CNTNAP2: variants seen among roughly 807,000 people sequenced by gnomAD.
The protein encoded by CNTNAP2 is contactin-associated protein-like 2.
Under a neutral mutation model 155.2 loss-of-function variants are expected in CNTNAP2, and 98 were observed. That is an observed-to-expected ratio of 0.63 (90% CI 0.54 to 0.75). The LOEUF is 0.75. Among genes scored for constraint, CNTNAP2 ranks in the 30% least tolerant of loss-of-function variants. The pLI, the probability that CNTNAP2 is intolerant of heterozygous loss-of-function variation, is 0.00. For missense variants in CNTNAP2, 1,727 were observed against 1,688.1 expected, an observed-to-expected ratio of 1.02 and a Z score of -0.40; for synonymous variants, 651 against 631.2, an observed-to-expected ratio of 1.03 and a Z score of -0.47.
chr7:147,057,454 A>G (rs1042375177), intron 4 of CNTNAP2, among the ~76,000 whole-genome samples: 1 of 152,110 alleles, frequency 6.6e-6, no homozygotes, highest in Admixed American at 6.5e-5. Flanking sequence ...TAGATTTTCA[A>G]CTTTCAGTAA....
intron 1 of CNTNAP2, among the ~76,000 whole-genome samples, chr7:146,471,967 G>C (rs1796805538): frequency 6.6e-6 from 1 of 152,206 alleles, no homozygotes; most frequent in African/African-American, 2.4e-5. Flanking sequence ...TTAAGAATCT[G>C]AAATGAACTT....
intron 4 of CNTNAP2, among the ~76,000 whole-genome samples, chr7:147,065,039 T>C (rs1452928075): frequency 6.6e-6 from 1 of 152,184 alleles, no homozygotes; most frequent in Non-Finnish European, 1.5e-5. Flanking sequence ...TTTCTGCTTC[T>C]GATAGAAAAT....
intron 1 of CNTNAP2, among the ~76,000 whole-genome samples, chr7:146,351,536 G>T (rs1349581743): frequency 6.6e-6 from 1 of 152,126 alleles, no homozygotes; most frequent in Non-Finnish European, 1.5e-5. Context: ...CATGTAACAT[G>T]AATACTCTTA....
chr7:146,737,405 T>C (rs190920196), intron 1 of CNTNAP2, among the ~76,000 whole-genome samples: 195 of 152,220 alleles, frequency 1.3e-3, no homozygotes, highest in African/African-American at 4.4e-3. Flanking sequence ...TTTGTATCCT[T>C]TAATGAATAC....
intron 1 of CNTNAP2, among the ~76,000 whole-genome samples, chr7:146,697,490 C>T (rs573937996): frequency 6.6e-6 from 1 of 152,312 alleles, no homozygotes; most frequent in East Asian, 1.9e-4. Context: ...CTTCCCTTCT[C>T]AGCCTCCCAA....
In CNTNAP2 at chr7:147,004,742, C is replaced by T. The variant is rs990546452; in HGVS notation, c.403-39165C>T. 2.0e-5 allele frequency among the ~76,000 whole-genome samples: 3 copies of T among 151,952 alleles called. No homozygotes were observed. In the South Asian group the frequency reaches 6.2e-4, roughly 31 times the overall value. On this transcript the variant is annotated intron_variant, in intron 3 of 23. Transcript: ENST00000361727. ...ACATATACTGATCTAATTACTGCAA[C>T]TCACACTTTTATTATTGCCTTTATT...
chr7:147,927,723 AATTC>A (rs1463888537), intron 14 of CNTNAP2, among the ~76,000 whole-genome samples: 1 of 152,262 alleles, frequency 6.6e-6, no homozygotes, highest in African/African-American at 2.4e-5. Flanking sequence ...GTTCTTTCTC[AATTC>A]AGAAATAACT....
chr7:147,473,606 T>G (rs556967764), intron 10 of CNTNAP2, among the ~76,000 whole-genome samples: 1 of 152,310 alleles, frequency 6.6e-6, no homozygotes, highest in Admixed American at 6.5e-5. Flanking sequence ...TGGTCAAATA[T>G]AAGTTTTCCC....
intron 14 of CNTNAP2, among the ~76,000 whole-genome samples, chr7:147,919,391 TC>T (rs1432968030): frequency 6.7e-6 from 1 of 149,690 alleles, no homozygotes; most frequent in African/African-American, 2.5e-5. Context: ...CAGATGATCC[TC>T]CCACGTCAGC....
chr7:148,221,541 T>C (rs938052075), intron 19 of CNTNAP2, among the ~76,000 whole-genome samples: 2 of 152,164 alleles, frequency 1.3e-5, no homozygotes, highest in Non-Finnish European at 2.9e-5. Flanking sequence ...AAATTCAGCT[T>C]TTTCAGACTT....
chr7:148,116,427 C>T (rs1383064219), intron 15 of CNTNAP2, among the ~76,000 whole-genome samples: 1 of 152,120 alleles, frequency 6.6e-6, no homozygotes, highest in Non-Finnish European at 1.5e-5. Flanking sequence ...TCCACATTAA[C>T]CAATCAAACG....
intron 10 of CNTNAP2, among the ~76,000 whole-genome samples, chr7:147,463,716 G>C (rs1320956494): frequency 6.6e-6 from 1 of 152,142 alleles, no homozygotes; most frequent in East Asian, 1.9e-4. Flanking sequence ...CTCTCACAGA[G>C]AGATTTCTAG....
intron 8 of CNTNAP2, among the ~76,000 whole-genome samples, chr7:147,175,654 C>T (rs566793761): frequency 1.3e-5 from 2 of 152,230 alleles, no homozygotes; most frequent in East Asian, 3.9e-4. Context: ...CCCACAGCAT[C>T]GCAGGGATGA....
At chr7:146,164,236 T>C (rs1798277215) in intron 1 of CNTNAP2, among the ~76,000 whole-genome samples, 1 of 151,100 alleles carries the variant, frequency 6.6e-6, no homozygotes, top group Non-Finnish European at 1.5e-5. Context: ...CCCTATTAAA[T>C]ATGTTCTAAG....
rs552161213 is a variant in CNTNAP2, at chr7:146,813,588, G to A, written c.209-26123G>A. ...TTTTGATTTTACAGGCTTATAGGTG[G>A]AAGGGACTTGCCTTGTCTCAGATGA... On this transcript the variant is annotated intron_variant, in intron 2 of 23. Coordinates refer to ENST00000361727, the MANE Select transcript of CNTNAP2 (RefSeq NM_014141.6). Among the ~76,000 whole-genome samples, 4 of 152,302 alleles carry A rather than the reference G, an allele frequency of 2.6e-5. No individual in the cohort carries two copies. In the East Asian group the frequency reaches 7.7e-4, roughly 29 times the overall value.
At chr7:146,582,701 C>T (rs545650250) in intron 1 of CNTNAP2, among the ~76,000 whole-genome samples, 8 of 152,002 alleles carry the variant, frequency 5.3e-5, no homozygotes, top group African/African-American at 1.9e-4. Flanking sequence ...ATGCAGAGAC[C>T]AGATCACTCT....
chr7:147,329,798 C>T (rs2116838602), intron 9 of CNTNAP2, among the ~76,000 whole-genome samples: 1 of 152,220 alleles, frequency 6.6e-6, no homozygotes, highest in East Asian at 1.9e-4. Flanking sequence ...ACATCTTCCT[C>T]TACTCTTTTG....
intron 9 of CNTNAP2, among the ~76,000 whole-genome samples, chr7:147,339,846 C>T (rs902683700): frequency 5.3e-5 from 8 of 152,092 alleles, no homozygotes; most frequent in Admixed American, 6.6e-5. Context: ...TAGAGATAAT[C>T]CAGTAAATTG....
rs964276783 is a variant in CNTNAP2 at position 147,632,526 on chromosome 7, T to C, written c.1898-6580T>C. On this transcript the variant is annotated intron_variant, in intron 12 of 23. Coordinates refer to ENST00000361727, the MANE Select transcript of CNTNAP2 (RefSeq NM_014141.6). ...CCCTGTAAAGAGGTGCCTTCCACCA[T>C]GGCTGTTAAGTTTCCTGATGCCTCC... Among the ~76,000 whole-genome samples the C allele has an allele frequency of 3.9e-5, 6 of 152,326 alleles. 1 individual carries two copies. Among genetic ancestry groups the C allele is most frequent in the Middle Eastern group, 6.8e-3 (2 of 294 alleles).
Sources: allele counts gnomAD v4.1 joint callset (sites outside exome capture counted in the v4.1 genomes callset), GRCh38; gene constraint gnomAD v4.1.1; transcripts MANE v1.5; gene names NCBI Gene and HGNC (gene_info 2026-07-23, HGNC 2026-07-21).